OPCML: variants seen among roughly 807,000 people sequenced by gnomAD.
OPCML encodes the protein opioid-binding protein/cell adhesion molecule.
OPCML carries 13 observed loss-of-function variants against 37.8 expected under a neutral mutation model. That is an observed-to-expected ratio of 0.34 (90% confidence interval 0.22 to 0.55). OPCML has a LOEUF of 0.55. OPCML is among the 20% of genes least tolerant of loss of function. The pLI is 0.91. For synonymous variants in OPCML, 176 were observed against 168.8 expected, an observed-to-expected ratio of 1.04 and a Z score of -0.33; for missense variants, 341 against 435.6, an observed-to-expected ratio of 0.78 and a Z score of 1.93.
rs112922253 is a variant in OPCML, at chr11:133,254,741, G to A, written c.61+277523C>T. On this transcript the variant is annotated intron_variant, in intron 1 of 7. Coordinates refer to ENST00000524381, the MANE Select transcript of OPCML (RefSeq NM_001012393.5). ...TTAAACTTGGGCAATTGTGTGTCTGGGAACAGCTGGAGAGAGTCAAGTTTG... is the reference window on the plus strand; with the variant it reads ...TTAAACTTGGGCAATTGTGTGTCTGAGAACAGCTGGAGAGAGTCAAGTTTG... Among the ~76,000 whole-genome samples the A allele has an allele frequency of 1.3e-3, 201 of 152,268 alleles. 2 individuals are homozygous for A. The highest frequency in any genetic ancestry group is 4.7e-3 in the African/African-American group (197 of 41,552).
chr11:132,483,099 G>A (rs1309422001), intron 4 of OPCML, among the ~76,000 whole-genome samples: 1 of 137,496 alleles, frequency 7.3e-6, no homozygotes. Context: ...GAAATAAAGG[G>A]TATTCAATTA....
At chr11:132,708,040 T>C (rs889685968) in intron 2 of OPCML, among the ~76,000 whole-genome samples, 1 of 152,200 alleles carries the variant, frequency 6.6e-6, no homozygotes, top group African/African-American at 2.4e-5. Flanking sequence ...AATTTATATT[T>C]CACCAAAATT....
chr11:133,509,131 T>A (rs144704158), intron 1 of OPCML, among the ~76,000 whole-genome samples: 2 of 152,136 alleles, frequency 1.3e-5, no homozygotes, highest in Admixed American at 6.5e-5. Context: ...TTGGTAAACG[T>A]GTATCATGGT....
Position 133,147,936 on chromosome 11 carries a change from C to G in OPCML, c.62-204926G>C, listed in dbSNP as rs151070625. On this transcript the variant is annotated intron_variant, in intron 1 of 7. Coordinates refer to ENST00000524381, the MANE Select transcript of OPCML (RefSeq NM_001012393.5). ...TGCCCGTCCTGCAGTTGTTACTCAG[C>G]GAACGCTTTCTTCCTCCTGCCCATC... Among the ~76,000 whole-genome samples the G allele has an allele frequency of 3.6e-3, 555 of 152,282 alleles. 1 individual carries two copies. Among genetic ancestry groups the G allele is most frequent in the Non-Finnish European group, 5.6e-3 (378 of 68,012 alleles).
At chr11:132,985,247 G>A (rs1467386866) in intron 1 of OPCML, among the ~76,000 whole-genome samples, 2 of 152,158 alleles carry the variant, frequency 1.3e-5, no homozygotes, top group African/African-American at 2.4e-5. Context: ...ACTCTACTCA[G>A]GACATCACCA....
At chr11:132,694,426 T>C (rs1223972758) in intron 2 of OPCML, among the ~76,000 whole-genome samples, 2 of 152,084 alleles carry the variant, frequency 1.3e-5, no homozygotes, top group Non-Finnish European at 2.9e-5. Flanking sequence ...CTTGATTTCC[T>C]GACCTCGTGA....
intron 4 of OPCML, among the ~76,000 whole-genome samples, chr11:132,443,100 T>C (rs1243789034): frequency 2.0e-5 from 3 of 152,216 alleles, no homozygotes; most frequent in Non-Finnish European, 4.4e-5. Context: ...AGGGCATGGC[T>C]CTACCTGCAG....
intron 1 of OPCML, among the ~76,000 whole-genome samples, chr11:133,522,343 C>T (rs759455067): frequency 6.6e-6 from 1 of 152,160 alleles, no homozygotes; most frequent in Non-Finnish European, 1.5e-5. Flanking sequence ...CAAGTTGACA[C>T]GTATCTGGCA....
intron 1 of OPCML, among the ~76,000 whole-genome samples, chr11:133,430,496 C>T (rs1431550339): frequency 6.6e-6 from 1 of 151,986 alleles, no homozygotes; most frequent in Admixed American, 6.5e-5. Flanking sequence ...AGGTGAATAA[C>T]TATCTAATGT....
intron 1 of OPCML, among the ~76,000 whole-genome samples, chr11:133,419,913 G>GT (rs1339249742): frequency 6.6e-6 from 1 of 152,082 alleles, no homozygotes; most frequent in Non-Finnish European, 1.5e-5. Context: ...TCTAACATGT[G>GT]TTTTTGTTGT....
chr11:133,499,581 G>A (rs1156345866), intron 1 of OPCML, among the ~76,000 whole-genome samples: 1 of 151,802 alleles, frequency 6.6e-6, no homozygotes, highest in Admixed American at 6.6e-5. Flanking sequence ...TGCACTCGTA[G>A]TTCATCTCTA....
At chr11:132,884,343 A>G (rs1012109313) in intron 2 of OPCML, among the ~76,000 whole-genome samples, 3 of 152,190 alleles carry the variant, frequency 2.0e-5, no homozygotes, top group Non-Finnish European at 4.4e-5. Context: ...AAAATGTTAA[A>G]TGGCTCCAAT....
At chr11:132,947,808 G>A (rs1945778368) in intron 1 of OPCML, among the ~76,000 whole-genome samples, 1 of 152,180 alleles carries the variant, frequency 6.6e-6, no homozygotes, top group African/African-American at 2.4e-5. Flanking sequence ...ATGACTAAGA[G>A]TATCCCTTAT....
chr11:132,627,149 A>G (rs529414603), intron 3 of OPCML, among the ~76,000 whole-genome samples: 21 of 152,240 alleles, frequency 1.4e-4, no homozygotes, highest in African/African-American at 4.3e-4. Context: ...AGGAGATATA[A>G]GATATATAAT....
intron 2 of OPCML, among the ~76,000 whole-genome samples, chr11:132,895,374 C>A (rs1035896738): frequency 6.6e-6 from 1 of 152,188 alleles, no homozygotes; most frequent in African/African-American, 2.4e-5. Flanking sequence ...CCATTTCCTG[C>A]CCCAGCTCTA....
At chr11:132,549,730 C>T (rs764178241) in intron 3 of OPCML, among the ~76,000 whole-genome samples, 3 of 152,158 alleles carry the variant, frequency 2.0e-5, no homozygotes, top group Admixed American at 6.5e-5. Context: ...GACAAGATGG[C>T]GCCAATTAAC....
chr11:132,500,796 C>T (rs2096243909), intron 4 of OPCML, among the ~76,000 whole-genome samples: 2 of 152,056 alleles, frequency 1.3e-5, no homozygotes, highest in Admixed American at 6.5e-5. Context: ...TGAGTGAGAA[C>T]ATGTGGTGTT....
At chr11:133,455,278 C>T (rs1946652324) in intron 1 of OPCML, among the ~76,000 whole-genome samples, 1 of 152,150 alleles carries the variant, frequency 6.6e-6, no homozygotes, top group South Asian at 2.1e-4. Context: ...CAGAAAACAC[C>T]AAAAATAGTT....
chr11:133,341,429 G>A (rs1184400336), intron 1 of OPCML, among the ~76,000 whole-genome samples: 2 of 152,136 alleles, frequency 1.3e-5, no homozygotes, highest in Admixed American at 6.5e-5. Flanking sequence ...TGATGCAGGA[G>A]CTCCTACCCT....
Sources: allele counts gnomAD v4.1 joint callset (sites outside exome capture counted in the v4.1 genomes callset), GRCh38; gene constraint gnomAD v4.1.1; transcripts MANE v1.5; gene names NCBI Gene and HGNC (gene_info 2026-07-23, HGNC 2026-07-21).